SDK1: variants seen among roughly 807,000 people sequenced by gnomAD.
SDK1 encodes the protein protein sidekick-1.
SDK1 carries 157 observed loss-of-function variants against 245.5 expected under a neutral mutation model. The observed-to-expected ratio is 0.64, with a 90% confidence interval of 0.56 to 0.73. The LOEUF (loss-of-function observed/expected upper bound fraction) is 0.73. Ranked by LOEUF, SDK1 falls within the 30% of genes least tolerant of loss-of-function variation. SDK1 has a pLI of 0.00. For missense variants in SDK1, 3,583 were observed against 3,002.3 expected (o/e 1.19, Z -4.52); for synonymous variants, 1,647 against 1,278.5 (o/e 1.29, Z -6.15).
chr7:3,846,624 C>T (rs1472586957), intron 5 of SDK1, among the ~76,000 whole-genome samples: 1 of 152,210 alleles, frequency 6.6e-6, no homozygotes, highest in Non-Finnish European at 1.5e-5. Flanking sequence ...ATTTACCTCC[C>T]TCCTGTCCTA....
intron 13 of SDK1, among the ~76,000 whole-genome samples, chr7:3,979,735 G>C (rs1783247338): frequency 1.3e-5 from 2 of 152,218 alleles, no homozygotes; most frequent in South Asian, 4.1e-4. Flanking sequence ...GTTTTCTAGT[G>C]CCATGGGGAC....
intron 40 of SDK1, among the ~76,000 whole-genome samples, chr7:4,226,920 G>A (rs1451716812): frequency 2.0e-5 from 3 of 150,210 alleles, no homozygotes; most frequent in Admixed American, 6.6e-5. Context: ...CCCAATGCAG[G>A]CAGATATTGT....
At chr7:3,309,524 ATT>A (rs59762021) in intron 1 of SDK1, among the ~76,000 whole-genome samples, 13 of 127,322 alleles carry the variant, frequency 1.0e-4, no homozygotes, top group East Asian at 4.5e-4. Context: ...CTAGAAAAAG[ATT>A]TTTTTTTTTT....
At chr7:4,041,535 A>G (rs926853256) in intron 17 of SDK1, among the ~76,000 whole-genome samples, 3 of 152,074 alleles carry the variant, frequency 2.0e-5, no homozygotes, top group South Asian at 4.1e-4. Flanking sequence ...ATATGGTGAC[A>G]TGTATCCCCC....
chr7:3,892,841 C>G (rs1226675698), intron 5 of SDK1, among the ~76,000 whole-genome samples: 1 of 152,162 alleles, frequency 6.6e-6, no homozygotes, highest in Admixed American at 6.5e-5. Flanking sequence ...TGCAGCAAGC[C>G]ACTTTCCCTC....
intron 1 of SDK1, among the ~76,000 whole-genome samples, chr7:3,565,888 A>G (rs1048594127): frequency 2.6e-5 from 4 of 152,250 alleles, no homozygotes; most frequent in Admixed American, 6.5e-5. Flanking sequence ...GATCAGATCC[A>G]TAGATGTGGA....
intron 1 of SDK1, among the ~76,000 whole-genome samples, chr7:3,448,014 T>C (rs966697594): frequency 1.6e-4 from 25 of 152,170 alleles, no homozygotes; most frequent in African/African-American, 4.8e-4. Flanking sequence ...TATATATCTT[T>C]ATTCTTACAC....
intron 5 of SDK1, among the ~76,000 whole-genome samples, chr7:3,868,799 C>G (rs909608172): frequency 6.6e-6 from 1 of 152,178 alleles, no homozygotes; most frequent in Non-Finnish European, 1.5e-5. Context: ...TGTTCATGGG[C>G]TGCTGTTTAT....
At chr7:3,508,918 A>T (rs1387213923) in intron 1 of SDK1, among the ~76,000 whole-genome samples, 1 of 152,162 alleles carries the variant, frequency 6.6e-6, no homozygotes, top group Admixed American at 6.5e-5. Context: ...TCAGTGCAGG[A>T]TTTAGTTTGT....
At chr7:3,384,554 A>G (rs776272267) in intron 1 of SDK1, among the ~76,000 whole-genome samples, 33 of 152,064 alleles carry the variant, frequency 2.2e-4, no homozygotes, top group Admixed American at 3.9e-4. Context: ...AGCTTGTCTG[A>G]AGACAGACAT....
chr7:4,089,653 G>A (rs537058042), intron 22 of SDK1, among the ~76,000 whole-genome samples: 1 of 152,228 alleles, frequency 6.6e-6, no homozygotes, highest in Non-Finnish European at 1.5e-5. Flanking sequence ...ACGTGTGGGT[G>A]ACTCCCTGGG....
chr7:3,558,562 G>C (rs969034601), intron 1 of SDK1, among the ~76,000 whole-genome samples: 1 of 152,208 alleles, frequency 6.6e-6, no homozygotes, highest in Admixed American at 6.5e-5. Flanking sequence ...AGGCCATGTG[G>C]ACAGGGAGGG....
chr7:3,988,701 C>T (rs1784060943), intron 14 of SDK1, among the ~76,000 whole-genome samples: 1 of 152,146 alleles, frequency 6.6e-6, no homozygotes, highest in Non-Finnish European at 1.5e-5. Flanking sequence ...AGATTGTCAC[C>T]CTTCATGATA....
intron 32 of SDK1, among the ~76,000 whole-genome samples, chr7:4,173,419 C>T (rs1037886503): frequency 4.6e-5 from 7 of 152,212 alleles, no homozygotes; most frequent in African/African-American, 1.7e-4. Flanking sequence ...AAGCCTTGCG[C>T]TGGGTCTCGA....
At chr7:4,085,959 C>G (rs58222948) in intron 22 of SDK1, among the ~76,000 whole-genome samples, 44,720 of 152,020 alleles carry the variant, frequency 0.29, 7,686 homozygotes, top group African/African-American at 0.48. Flanking sequence ...GTGACATTCA[C>G]AGAAGTTTCT....
chr7:3,644,814 G>A (rs541922870), intron 4 of SDK1, among the ~76,000 whole-genome samples: 5 of 145,380 alleles, frequency 3.4e-5, no homozygotes, highest in Middle Eastern at 3.6e-3. Context: ...AACAACGGCG[G>A]GGCAGGGGGT....
intron 5 of SDK1, among the ~76,000 whole-genome samples, chr7:3,920,952 C>T (rs1386975911): frequency 2.6e-5 from 4 of 152,194 alleles, no homozygotes; most frequent in Non-Finnish European, 2.9e-5. Flanking sequence ...AATACCACCC[C>T]TGCCCTCAAA....
intron 1 of SDK1, among the ~76,000 whole-genome samples, chr7:3,599,302 C>G (rs1781178808): frequency 6.6e-6 from 1 of 151,974 alleles, no homozygotes; most frequent in Non-Finnish European, 1.5e-5. Flanking sequence ...ATCTTTTGCT[C>G]ATTTTCTATT....
At chr7:3,621,565 T>TTTCCTAGATCTTC (rs1179110935) in intron 2 of SDK1, among the ~76,000 whole-genome samples, 4 of 152,214 alleles carry the variant, frequency 2.6e-5, no homozygotes, top group Non-Finnish European at 5.9e-5. Flanking sequence ...AAAGGAATTG[T>TTTCCTAGATCTTC]TTCCTAGATC....
Sources: gnomAD v4.1 joint callset for allele counts (sites outside exome capture counted in the v4.1 genomes callset) on GRCh38, gnomAD v4.1.1 for gene constraint, MANE v1.5 for transcripts, NCBI Gene and HGNC (gene_info 2026-07-23, HGNC 2026-07-21) for gene names.